The following CPEB3 variants were observed in gnomAD, a reference collection of about 807,000 sequenced individuals.
CPEB3 encodes cytoplasmic polyadenylation element-binding protein 3.
A neutral mutation model predicts 67.2 loss-of-function variants in CPEB3; 20 were observed. The observed-to-expected ratio is 0.30, with a 90% CI of 0.21 to 0.43. The LOEUF (loss-of-function observed/expected upper bound fraction) is 0.43, where lower values mean the gene tolerates loss of function less well. CPEB3 is among the 20% of genes least tolerant of loss of function. The pLI is 1.00. For missense variants in CPEB3, 746 were observed against 968.6 expected (o/e 0.77, Z 3.05); for synonymous variants, 376 against 393.1 (o/e 0.96, Z 0.51).
intron 1 of CPEB3, among the ~76,000 whole-genome samples, chr10:92,289,627 C>A (rs1373734255): frequency 2.0e-5 from 3 of 147,622 alleles, no homozygotes; most frequent in African/African-American, 7.6e-5. Context: ...CATCTGTAAT[C>A]CCAACACTTT....
At chr10:92,230,768 A>G (rs896122461) in intron 2 of CPEB3, among the ~76,000 whole-genome samples, 1 of 152,210 alleles carries the variant, frequency 6.6e-6, no homozygotes, top group Non-Finnish European at 1.5e-5. Context: ...CCAGCTGTAG[A>G]AAATTCCTTG....
At chr10:92,289,304 G>A (rs1255145933) in intron 1 of CPEB3, among the ~76,000 whole-genome samples, 1 of 152,052 alleles carries the variant, frequency 6.6e-6, no homozygotes. Flanking sequence ...TTGGGAGGCC[G>A]AGACGGGCTG....
chr10:92,159,734 T>C (rs1383421160), intron 4 of CPEB3, among the ~76,000 whole-genome samples: 3 of 152,066 alleles, frequency 2.0e-5, no homozygotes, highest in African/African-American at 7.2e-5. Context: ...AGGAAAATAA[T>C]TCAGACTTTT....
In CPEB3 at chr10:92,239,204, G is replaced by T; in HGVS notation, c.1005+142C>A. 1 of 870,622 alleles carries T rather than the reference G, an allele frequency of 1.1e-6. No individual in the cohort carries two copies. The highest frequency in any genetic ancestry group is 1.8e-6 in the Non-Finnish European group (1 of 569,452). The allele number at this position is 870,622 out of a possible 1,614,324, so 53.9% of individuals were successfully genotyped here. ...CCTCTGATAATGGAACAGCCCTAAA[G>T]AACTGGAGGCTTCGGAAGGGGAAAG... is the stretch of plus-strand genomic sequence containing the variant. On this transcript the variant is annotated intron_variant, in intron 2 of 9. Coordinates refer to ENST00000265997, the MANE Select transcript of CPEB3 (RefSeq NM_014912.5). The surrounding 1 kb of genome is among the most constrained non-coding windows in gnomAD (Gnocchi z 6.0).
At chr10:92,137,601 C>T (rs902669224) in intron 6 of CPEB3, 2 of 683,496 alleles carry the variant, frequency 2.9e-6, no homozygotes, top group African/African-American at 1.8e-5. Context: ...ACCAATTCTA[C>T]ATCAATGTGG....
At position 92,198,289 on chromosome 10, in the gene CPEB3, T is replaced by C. The variant is rs570774788; in HGVS notation, c.1006-5653A>G. On this transcript the variant is annotated intron_variant, in intron 2 of 9. Transcript: ENST00000265997. ...TATTCTCTCTAGCCTTACATCCTTT[T>C]TACAAACACTCCCTTTAACTTAATC... is the stretch of plus-strand genomic sequence containing the variant. Among the ~76,000 whole-genome samples, 8 of 152,256 alleles carry C rather than the reference T, an allele frequency of 5.3e-5. No individual in the cohort carries two copies. In the South Asian group the frequency reaches 1.7e-3, roughly 32 times the overall value.
At chr10:92,230,919 A>C (rs965270313) in intron 2 of CPEB3, among the ~76,000 whole-genome samples, 3 of 152,216 alleles carry the variant, frequency 2.0e-5, no homozygotes, top group African/African-American at 7.2e-5. Flanking sequence ...TGGCCCCTAA[A>C]GAGGGTCAGG....
intron 1 of CPEB3, among the ~76,000 whole-genome samples, chr10:92,257,487 A>G (rs1852568348): frequency 6.6e-6 from 1 of 151,630 alleles, no homozygotes; most frequent in Non-Finnish European, 1.5e-5. Flanking sequence ...GTATAGATAG[A>G]GTTTTGCCAT....
At chr10:92,091,979 T>C (rs1843637872) in intron 7 of CPEB3, 35 bp from the exon 8 acceptor site, 1 of 1,258,336 alleles carries the variant, frequency 7.9e-7, no homozygotes, top group African/African-American at 1.5e-5. Context: ...CCTTACTTCA[T>C]TTCCATCAAC....
At chr10:92,161,123 TG>T (rs1847453632) in intron 4 of CPEB3, among the ~76,000 whole-genome samples, 1 of 152,132 alleles carries the variant, frequency 6.6e-6, no homozygotes, top group Admixed American at 6.5e-5. Context: ...CTGCCCACCT[TG>T]GCCTCCCAAA....
intron 2 of CPEB3, among the ~76,000 whole-genome samples, chr10:92,215,377 C>T (rs1332706931): frequency 1.3e-5 from 2 of 150,372 alleles, no homozygotes; most frequent in African/African-American, 4.9e-5. Context: ...TGGTCTTGAA[C>T]TCCTGATCTC....
intron 9 of CPEB3, among the ~76,000 whole-genome samples, chr10:92,053,995 T>A (rs1041472557): frequency 6.6e-6 from 1 of 152,206 alleles, no homozygotes; most frequent in African/African-American, 2.4e-5. Context: ...CGAAATAGTA[T>A]CTTATTGTGG....
intron 9 of CPEB3, among the ~76,000 whole-genome samples, chr10:92,080,377 A>T (rs1373350437): frequency 1.3e-5 from 2 of 152,134 alleles, no homozygotes; most frequent in East Asian, 3.9e-4. Flanking sequence ...TATTAAGTAC[A>T]CCAACTGCCT....
intron 2 of CPEB3, among the ~76,000 whole-genome samples, chr10:92,227,023 T>C (rs1292928418): frequency 3.3e-5 from 5 of 152,200 alleles, no homozygotes; most frequent in Non-Finnish European, 4.4e-5. Context: ...ACTTTGTTCA[T>C]CTGAAAAGCA....
intron 2 of CPEB3, among the ~76,000 whole-genome samples, chr10:92,195,046 A>AAC (rs371911549): frequency 0.053 from 6,188 of 117,094 alleles, 142 homozygotes; most frequent in South Asian, 0.097. Flanking sequence ...TGTCTCAAAA[A>AAC]ACACACACAC....
At chr10:92,225,529 AC>A (rs1185847294) in intron 2 of CPEB3, among the ~76,000 whole-genome samples, 1 of 152,100 alleles carries the variant, frequency 6.6e-6, no homozygotes, top group Non-Finnish European at 1.5e-5. Context: ...AACAAAAAAA[AC>A]AACAAAACAA....
intron 6 of CPEB3, among the ~76,000 whole-genome samples, chr10:92,133,969 C>T (rs9794362): frequency 0.4 from 60,044 of 151,972 alleles, 12,776 homozygotes; most frequent in African/African-American, 0.55. Flanking sequence ...ATTCAGCAGC[C>T]CTTCATGCTA....
In CPEB3 at chr10:92,220,150, C is replaced by CA. The variant is rs542555112; in HGVS notation, c.1005+19195dup. Among the ~76,000 whole-genome samples the CA allele has an allele frequency of 3.7e-3, 536 of 144,514 alleles. 7 individuals carry two copies. The highest frequency in any genetic ancestry group is 7.2e-3 in the Middle Eastern group (2 of 278). 94.8% of individuals were successfully genotyped at this position (144,514 alleles called of 152,430 possible). ...AGACTAGGCAATAAAGATTCCGTCT[C>CA]AAAAAAAAAAATCAATCTCCCACCC... On this transcript the variant is annotated intron_variant, in intron 2 of 9. Coordinates refer to ENST00000265997, the MANE Select transcript of CPEB3 (RefSeq NM_014912.5).
At chr10:92,197,035 G>A (rs1849276698) in intron 2 of CPEB3, among the ~76,000 whole-genome samples, 1 of 152,024 alleles carries the variant, frequency 6.6e-6, no homozygotes, top group East Asian at 1.9e-4. Context: ...ATAATATTAG[G>A]GAGAACACAA....
Sources: gnomAD v4.1 joint callset for allele counts (sites outside exome capture counted in the v4.1 genomes callset) on GRCh38, gnomAD v4.1.1 for gene constraint, Gnocchi (gnomAD v3.1) non-coding constraint, MANE v1.5 for transcripts, NCBI Gene and HGNC (gene_info 2026-07-23, HGNC 2026-07-21) for gene names.